Variants in OSBPL10 observed in about 807,000 individuals in gnomAD.
OSBPL10 encodes oxysterol-binding protein-related protein 10.
Under a neutral mutation model 81.7 loss-of-function variants are expected in OSBPL10, and 49 were observed. That is an observed-to-expected ratio of 0.60 (90% CI 0.48 to 0.76). The LOEUF is 0.76. OSBPL10 is among the 30% of genes least tolerant of loss of function. OSBPL10 has a pLI of 0.00. For missense variants in OSBPL10, 923 were observed against 987.8 expected, an observed-to-expected ratio of 0.93 and a Z score of 0.88; for synonymous variants, 419 against 383.6, an observed-to-expected ratio of 1.09 and a Z score of -1.08.
chr3:32,047,494 G>A (rs1212231838), intron 1 of OSBPL10, among the ~76,000 whole-genome samples: 1 of 152,124 alleles, frequency 6.6e-6, no homozygotes, highest in Non-Finnish European at 1.5e-5. Context: ...ACTTCCTGAT[G>A]TTGCCATGGC....
At chr3:31,951,926 A>G (rs1292405394) in intron 1 of OSBPL10, among the ~76,000 whole-genome samples, 2 of 152,146 alleles carry the variant, frequency 1.3e-5, no homozygotes, top group East Asian at 3.8e-4. Context: ...AATTAGATAT[A>G]ATTCACAAGA....
At chr3:31,853,767 C>T (rs1360135202) in intron 3 of OSBPL10, among the ~76,000 whole-genome samples, 2 of 152,202 alleles carry the variant, frequency 1.3e-5, no homozygotes, top group Non-Finnish European at 2.9e-5. Context: ...TGAGACAGAG[C>T]CTCTGCTCTC....
chr3:31,737,338 G>A (rs1409722132), intron 5 of OSBPL10, among the ~76,000 whole-genome samples: 1 of 152,058 alleles, frequency 6.6e-6, no homozygotes, highest in Non-Finnish European at 1.5e-5. Flanking sequence ...CAGAGCTTGG[G>A]GAAAAAATAT....
chr3:31,742,563 GCTATGA>G (rs1697387026), intron 5 of OSBPL10, among the ~76,000 whole-genome samples: 1 of 152,198 alleles, frequency 6.6e-6, no homozygotes, highest in Non-Finnish European at 1.5e-5. Flanking sequence ...TGCTCTGGCA[GCTATGA>G]CTCCAGTGTC....
rs148986285 is a variant in OSBPL10 at position 31,766,329 on chromosome 3, G to GTTTTTTTT, written c.730-18210_730-18209insAAAAAAAA. On this transcript the variant is annotated intron_variant, in intron 4 of 11. Coordinates refer to ENST00000396556, the MANE Select transcript of OSBPL10 (RefSeq NM_017784.5). ...ATGTTTGGCCCAATGTAGTTTTTTT[G>GTTTTTTTT]TTTTTTTGTTTTTTTTTGTTTTTTT... Among the ~76,000 whole-genome samples, 199 of 22,612 alleles carry GTTTTTTTT rather than the reference G, an allele frequency of 8.8e-3. 5 individuals carry two copies. The highest frequency in any genetic ancestry group is 0.015 in the African/African-American group (193 of 12,962). 14.8% of individuals were successfully genotyped at this position (22,612 alleles called of 152,430 possible). A position where few individuals can be genotyped will look rare whatever the true frequency, so the allele number is the denominator to read the frequency against.
chr3:31,824,456 T>C (rs1465239890), intron 4 of OSBPL10, among the ~76,000 whole-genome samples: 1 of 152,142 alleles, frequency 6.6e-6, no homozygotes, highest in South Asian at 2.1e-4. Flanking sequence ...CAAAAAATGG[T>C]CCAAATCGTT....
At chr3:31,867,751 A>AAGGGAGGAAGGAAGGGAGGG (rs1388218055) in intron 3 of OSBPL10, among the ~76,000 whole-genome samples, 1 of 137,324 alleles carries the variant, frequency 7.3e-6, no homozygotes, top group Non-Finnish European at 1.6e-5. Context: ...AAGAGAAAGG[A>AAGGGAGGAAGGAAGGGAGGG]AGGGAGGAAG....
chr3:31,904,673 C>T (rs1331089776), intron 1 of OSBPL10, among the ~76,000 whole-genome samples: 1 of 152,170 alleles, frequency 6.6e-6, no homozygotes, highest in Non-Finnish European at 1.5e-5. Context: ...ACACAGTTTA[C>T]TCTCTGGGAA....
chr3:31,872,382 C>T (rs1269629186), intron 3 of OSBPL10, among the ~76,000 whole-genome samples: 1 of 151,860 alleles, frequency 6.6e-6, no homozygotes, highest in Non-Finnish European at 1.5e-5. Flanking sequence ...GTGTACAAAC[C>T]AATGGAGGCT....
intron 1 of OSBPL10, among the ~76,000 whole-genome samples, chr3:31,943,967 C>CAAAAAAAAAAAAAAAAAAA (rs55770286): frequency 7.4e-4 from 28 of 37,782 alleles, no homozygotes; most frequent in Admixed American, 1.4e-3. Context: ...GACTCCGTCT[C>CAAAAAAAAAAAAAAAAAAA]AAAAAAAAAA....
At position 31,981,054 on chromosome 3, in the gene OSBPL10, G is replaced by A. The variant is rs977792480; in HGVS notation, c.126C>T (p.Ser42=). The change falls in exon 1 of 12, where the codon AGC becomes AGT. Residue 42 remains serine (S), a synonymous_variant. Transcript: ENST00000396556. This position sits in a 1 kb window ranked among gnomAD's most constrained non-coding sequence, Gnocchi z 4.5. The stretch of plus-strand genomic sequence containing the variant: ...CGCCGAGCCCGGCCGCCGCCGACCG[G>A]CTGGAGACCCCCCGGCCCGCCAGAG... ...SCSLAGRGVS[S]RSAAAGLGGG... The A allele has an allele frequency of 2.0e-6, 3 of 1,487,054 alleles. No homozygotes were observed. The highest frequency in any genetic ancestry group is 1.8e-6 in the Non-Finnish European group (2 of 1,122,448). 92.1% of individuals were successfully genotyped at this position (1,487,054 alleles called of 1,614,324 possible).
chr3:31,751,962 G>T (rs1419291578), intron 4 of OSBPL10, among the ~76,000 whole-genome samples: 2 of 152,218 alleles, frequency 1.3e-5, no homozygotes, highest in African/African-American at 2.4e-5. Flanking sequence ...CACTGATGAA[G>T]ACTCTTCATC....
At chr3:31,926,289 G>GACCCCCCCCCCCCCCCC (rs1553641096) in intron 1 of OSBPL10, among the ~76,000 whole-genome samples, 1 of 130,114 alleles carries the variant, frequency 7.7e-6, no homozygotes, top group African/African-American at 3.1e-5. Context: ...GGGTGATTTT[G>GACCCCCCCCCCCCCCCC]CCCCCCCAGA....
At chr3:31,685,551 C>A (rs879866815) in intron 7 of OSBPL10, among the ~76,000 whole-genome samples, 8 of 152,196 alleles carry the variant, frequency 5.3e-5, no homozygotes, top group Non-Finnish European at 8.8e-5. Context: ...TTCCTCCTAA[C>A]GTGGACTCAC....
intron 3 of OSBPL10, among the ~76,000 whole-genome samples, chr3:31,847,455 C>T (rs1049733666): frequency 1.3e-5 from 2 of 152,114 alleles, no homozygotes; most frequent in African/African-American, 4.8e-5. Context: ...TCCCAAAGTG[C>T]TGGGATTACA....
Position 31,946,329 on chromosome 3 carries a change from CAAT to C in OSBPL10, c.281+34567_281+34569del, listed in dbSNP as rs553874834. Among the ~76,000 whole-genome samples the C allele has an allele frequency of 6.4e-5, 9 of 139,758 alleles. No homozygotes were observed. In the South Asian group the frequency reaches 1.4e-3, roughly 21 times the overall value. The allele number at this position is 139,758 out of a possible 152,430, so 91.7% of individuals were successfully genotyped here. A position where few individuals can be genotyped will look rare whatever the true frequency, so the allele number is the denominator to read the frequency against. On this transcript the variant is annotated intron_variant, in intron 1 of 11. Transcript: ENST00000396556. Reference sequence around the variant, plus strand: ...GGGGAACTCAAGTTTTTTACTTTTTCAATAATAACAAAAAAATTAGAAATCAAT... The same window carrying C: ...GGGGAACTCAAGTTTTTTACTTTTTCAATAACAAAAAAATTAGAAATCAAT...
At chr3:31,757,448 C>A (rs1348960200) in intron 4 of OSBPL10, among the ~76,000 whole-genome samples, 2 of 152,168 alleles carry the variant, frequency 1.3e-5, no homozygotes, top group African/African-American at 4.8e-5. Flanking sequence ...CAAGCCGACA[C>A]ATCCTTTTCT....
In OSBPL10 at chr3:31,663,296, G is replaced by A. The variant is rs566940221; in HGVS notation, c.2250+783C>T. The A allele has an allele frequency of 1.4e-5, 14 of 985,302 alleles. No homozygotes were observed. In the South Asian group the frequency reaches 6.6e-4, roughly 46 times the overall value. The allele number at this position is 985,302 out of a possible 1,614,324, so 61.0% of individuals were successfully genotyped here. ...ATTTCTGGCTCCTCATGAACAACTA[G>A]ACAATCTGTTTTATCACTGGAAGAT... On this transcript the variant is annotated intron_variant, in intron 11 of 11. Coordinates refer to ENST00000396556, the MANE Select transcript of OSBPL10 (RefSeq NM_017784.5).
intron 2 of OSBPL10, among the ~76,000 whole-genome samples, chr3:32,017,982 C>G (rs1024133389): frequency 7.2e-5 from 11 of 151,972 alleles, no homozygotes; most frequent in Admixed American, 3.3e-4. Context: ...AACCCCGTCT[C>G]TACTAAAAAT....
Sources: allele counts gnomAD v4.1 joint callset (sites outside exome capture counted in the v4.1 genomes callset), GRCh38; gene constraint gnomAD v4.1.1; non-coding constraint Gnocchi (gnomAD v3.1); transcripts MANE v1.5; gene names NCBI Gene and HGNC (gene_info 2026-07-23, HGNC 2026-07-21).